The following TM4SF20 variants were observed in gnomAD, a reference collection of about 807,000 sequenced individuals.
TM4SF20 encodes the protein transmembrane 4 L6 family member 20.
Under a neutral mutation model 15.1 loss-of-function variants are expected in TM4SF20, and 13 were observed. That is an observed-to-expected ratio of 0.86 (90% CI 0.56 to 1.36). The LOEUF is 1.36. Among genes scored for constraint, TM4SF20 ranks in the 40% most tolerant of loss-of-function variants. TM4SF20 has a pLI of 0.00. For missense variants in TM4SF20, 282 were observed against 268.4 expected, an observed-to-expected ratio of 1.05 and a Z score of -0.35; for synonymous variants, 92 against 96.6, an observed-to-expected ratio of 0.95 and a Z score of 0.28.
At chr2:227,370,540 C>T (rs1313995799) in intron 2 of TM4SF20, among the ~76,000 whole-genome samples, 8 of 152,140 alleles carry the variant, frequency 5.3e-5, no homozygotes, top group East Asian at 1.9e-4. Context: ...GCAGATCACT[C>T]GAGGTCAGGA....
At chr2:227,379,680 C>T (rs1451106173), upstream of TM4SF20, among the ~76,000 whole-genome samples, 2 of 152,296 alleles carry the variant, frequency 1.3e-5, no homozygotes, top group East Asian at 1.9e-4. Flanking sequence ...AAAATGAACA[C>T]GTATGAGATG....
At chr2:227,370,851 C>T (rs569497436) in intron 2 of TM4SF20, 64 bp downstream of exon 2, 1 of 1,402,334 alleles carries the variant, frequency 7.1e-7, no homozygotes, top group Non-Finnish European at 1.0e-6. Flanking sequence ...CTCAGTGTGG[C>T]TTTGCTTAGG....
chr2:227,373,207 T>C (rs1218221562), intron 1 of TM4SF20, among the ~76,000 whole-genome samples: 1 of 152,228 alleles, frequency 6.6e-6, no homozygotes, highest in East Asian at 1.9e-4. Flanking sequence ...GTTTAAAGTT[T>C]ATGCCTCTTT....
rs59401554 is a variant in TM4SF20, at chr2:227,366,716, C to CAAAAAAAAAA, written c.250-482_250-473dup. Among the ~76,000 whole-genome samples the CAAAAAAAAAA allele has an allele frequency of 1.6e-3, 112 of 68,208 alleles. 6 individuals carry two copies. Among genetic ancestry groups the CAAAAAAAAAA allele is most frequent in the Non-Finnish European group, 2.0e-3 (74 of 36,144 alleles). 44.7% of individuals were successfully genotyped at this position (68,208 alleles called of 152,430 possible). A position where few individuals can be genotyped will look rare whatever the true frequency, so the allele number is the denominator to read the frequency against. ...GCTGGGTGACAGAGCAAGACTCTGTCAAAAAAAAAAAAAAAAAAAAAAAAA... is the reference window on the plus strand; with the variant it reads ...GCTGGGTGACAGAGCAAGACTCTGTCAAAAAAAAAAAAAAAAAAAAAAAAAAAAAAAAAAA... On this transcript the variant is annotated intron_variant, in intron 2 of 3. Coordinates refer to ENST00000304568, the MANE Select transcript of TM4SF20 (RefSeq NM_024795.4).
chr2:227,370,839 G>A, intron 2 of TM4SF20, 76 bp downstream of exon 2: 2 of 1,178,786 alleles, frequency 1.7e-6, no homozygotes, highest in Non-Finnish European at 2.5e-6. Flanking sequence ...AGATGCGAGT[G>A]ACTCAGTGTG....
chr2:227,381,011 A>C (rs1451700159), upstream of TM4SF20, among the ~76,000 whole-genome samples: 1 of 152,076 alleles, frequency 6.6e-6, no homozygotes, highest in East Asian at 1.9e-4. Flanking sequence ...ATGGTGGCTC[A>C]CCCCTGTAAT....
chr2:227,367,063 T>G (rs1224744720), intron 2 of TM4SF20, among the ~76,000 whole-genome samples: 1 of 152,186 alleles, frequency 6.6e-6, no homozygotes, highest in Non-Finnish European at 1.5e-5. Context: ...CAATGACATT[T>G]GCACACTTCG....
chr2:227,362,869 A>G lies in TM4SF20; in HGVS notation c.*855T>C, dbSNP rs1575020165. ...AAATTAACAATAATCCGATTCTTCTACATACTCCTCCCAATTATCTCTGAC... is the reference window on the plus strand; with the variant it reads ...AAATTAACAATAATCCGATTCTTCTGCATACTCCTCCCAATTATCTCTGAC... On this transcript the variant is annotated 3_prime_UTR_variant, in exon 4 of 4. Transcript: ENST00000304568. 1 of 152,230 alleles carries G rather than the reference A, an allele frequency of 6.6e-6. No homozygotes were observed. Among genetic ancestry groups the G allele is most frequent in the East Asian group, 1.9e-4 (1 of 5,202 alleles). The allele number at this position is 152,230 out of a possible 1,614,324, so 9.4% of individuals were successfully genotyped here.
chr2:227,363,954 G>C lies in TM4SF20; in HGVS notation c.460C>G (p.Pro154Ala), dbSNP rs764940778. The change falls in exon 4 of 4, where the codon CCT becomes GCT. Residue 154 changes from proline (P) to alanine (A), a missense_variant. By Grantham distance (27) the Pro-to-Ala change is conservative (BLOSUM62 -1). Coordinates refer to ENST00000304568, the MANE Select transcript of TM4SF20 (RefSeq NM_024795.4). The part of the protein sequence containing the change: ...QWFFNDSCAP[P>A]TGFNKPTSND... Reference sequence around the variant, plus strand: ...CTGGTGGGTTTATTGAAACCAGTAGGAGGTGCACAAGAGTCATTGAAAAAC... The same window carrying C: ...CTGGTGGGTTTATTGAAACCAGTAGCAGGTGCACAAGAGTCATTGAAAAAC... The C allele has an allele frequency of 6.2e-7, 1 of 1,614,050 alleles. No homozygotes were observed.
rs11680880 is a variant in TM4SF20, at chr2:227,363,205, A to G, written c.*519T>C. ...TGAGGCAGGCAGATCACTTGAGTCC[A>G]TGAGTTCGGGACCAGCCTGGGCAAT... On this transcript the variant is annotated 3_prime_UTR_variant, in exon 4 of 4. Coordinates refer to ENST00000304568, the MANE Select transcript of TM4SF20 (RefSeq NM_024795.4). 0.084 allele frequency: 12,833 copies of G among 152,514 alleles called. 573 individuals are homozygous for G. Among genetic ancestry groups the G allele is most frequent in the Admixed American group, 0.11 (1,743 of 15,302 alleles). The allele number at this position is 152,514 out of a possible 1,614,324, so 9.4% of individuals were successfully genotyped here.
At chr2:227,375,785 G>C (rs555065738) in intron 1 of TM4SF20, among the ~76,000 whole-genome samples, 1 of 152,090 alleles carries the variant, frequency 6.6e-6, no homozygotes, top group Non-Finnish European at 1.5e-5. Flanking sequence ...CACCGTGCCT[G>C]GCCAGCTTTC....
intron 1 of TM4SF20, among the ~76,000 whole-genome samples, chr2:227,376,553 A>G (rs1257586096): frequency 6.6e-6 from 1 of 152,226 alleles, no homozygotes; most frequent in Non-Finnish European, 1.5e-5. Context: ...ATAATACAGA[A>G]TAATAGAGAT....
At chr2:227,379,005 G>A in intron 1 of TM4SF20, 81 bp downstream of exon 1, 1 of 1,408,686 alleles carries the variant, frequency 7.1e-7, no homozygotes, top group Non-Finnish European at 9.8e-7. Context: ...ATAGTTAACT[G>A]CAAGACTGGA....
upstream of TM4SF20, among the ~76,000 whole-genome samples, chr2:227,380,399 T>C (rs2076474329): frequency 6.6e-6 from 1 of 152,176 alleles, no homozygotes; most frequent in Admixed American, 6.5e-5. Context: ...GGGGTCATGG[T>C]AGTTACTGAA....
At chr2:227,377,464 T>G (rs1174061290) in intron 1 of TM4SF20, among the ~76,000 whole-genome samples, 1 of 152,220 alleles carries the variant, frequency 6.6e-6, no homozygotes, top group Non-Finnish European at 1.5e-5. Context: ...CCAAAAGCTT[T>G]TTCTTTAATT....
At position 227,362,511 on chromosome 2, in the gene TM4SF20, CTT is replaced by C. The variant is rs1029935457; in HGVS notation, c.*1211_*1212del. On this transcript the variant is annotated 3_prime_UTR_variant, in exon 4 of 4. Coordinates refer to ENST00000304568, the MANE Select transcript of TM4SF20 (RefSeq NM_024795.4). ...ATCCAGAATGCTCCGAGATCCAAAA[CTT>C]TTTGAGCCAGTAACGTAACACCACA... is the stretch of plus-strand genomic sequence containing the variant. 12 of 152,136 alleles carry C rather than the reference CTT, an allele frequency of 7.9e-5. No homozygotes were observed. Among genetic ancestry groups the C allele is most frequent in the Non-Finnish European group, 1.5e-5 (1 of 68,032 alleles). 9.4% of individuals were successfully genotyped at this position (152,136 alleles called of 1,614,324 possible).
rs372692664 is a variant in TM4SF20, at chr2:227,379,256, C to T, written c.13G>A (p.Glu5Lys). ...AATCCATTGCAGGATGTCCATCCTTCGCAGCAGGTCATGGTCACCCCTGGC... is the reference window on the plus strand; with the variant it reads ...AATCCATTGCAGGATGTCCATCCTTTGCAGCAGGTCATGGTCACCCCTGGC... Reference protein sequence around the residue: MTCCEGWTSCNGFSL... With the variant: MTCCKGWTSCNGFSL... Residue 5 changes from glutamate to lysine, a missense_variant, in exon 1 of 4, where the codon GAA (glutamate) becomes AAA (lysine). Transcript: ENST00000304568. 2.4e-5 allele frequency: 39 copies of T among 1,613,886 alleles called. No individual in the cohort carries two copies. Among genetic ancestry groups the T allele is most frequent in the Admixed American group, 8.3e-5 (5 of 59,998 alleles).
chr2:227,369,583 C>T (rs113353261), intron 2 of TM4SF20, among the ~76,000 whole-genome samples: 11,405 of 152,054 alleles, frequency 0.075, 644 homozygotes, highest in Admixed American at 0.17. Context: ...CATGGGCCAC[C>T]GTGCCCAGCT....
At chr2:227,366,675 G>A (rs1030245092) in intron 2 of TM4SF20, among the ~76,000 whole-genome samples, 7 of 125,428 alleles carry the variant, frequency 5.6e-5, no homozygotes, top group Non-Finnish European at 7.9e-5. Flanking sequence ...ATCCGAGATC[G>A]TGCCATTGCA....
Sources: allele counts gnomAD v4.1 joint callset (sites outside exome capture counted in the v4.1 genomes callset), GRCh38; gene constraint gnomAD v4.1.1; transcripts MANE v1.5; gene names NCBI Gene and HGNC (gene_info 2026-07-23, HGNC 2026-07-21).